Variants in ULK4 observed in about 807,000 individuals in gnomAD.
ULK4 encodes the protein unc-51 like kinase 4, also known as inactive serine/threonine-protein kinase ULK4.
Under a neutral mutation model 160.6 loss-of-function variants are expected in ULK4, and 133 were observed. The ratio of observed to expected loss-of-function variants is 0.83; its 90% CI spans 0.72 to 0.96. The LOEUF is 0.96. ULK4 is among the 40% of genes least tolerant of loss of function. The pLI, the probability that ULK4 is intolerant of heterozygous loss-of-function variation, is 0.00. For missense variants in ULK4, 1,580 were observed against 1,499.5 expected (o/e 1.05, Z -0.89); for synonymous variants, 534 against 539.8 (o/e 0.99, Z 0.15).
At chr3:41,827,457 C>A (rs554584768) in intron 18 of ULK4, among the ~76,000 whole-genome samples, 1 of 151,982 alleles carries the variant, frequency 6.6e-6, no homozygotes, top group Non-Finnish European at 1.5e-5. Flanking sequence ...TAAAAAATGA[C>A]AAAGGGGATA....
chr3:41,802,529 T>G (rs1414582967), intron 19 of ULK4, among the ~76,000 whole-genome samples: 1 of 152,106 alleles, frequency 6.6e-6, no homozygotes, highest in Non-Finnish European at 1.5e-5. Context: ...GAACTCCTTG[T>G]CCCAAGGAAT....
intron 32 of ULK4, among the ~76,000 whole-genome samples, chr3:41,523,922 T>C (rs2086020817): frequency 6.6e-6 from 1 of 152,146 alleles, no homozygotes; most frequent in Admixed American, 6.5e-5. Context: ...AGTATATCCA[T>C]ATAATAAAAA....
At chr3:41,271,573 T>C (rs141768226) in intron 35 of ULK4, among the ~76,000 whole-genome samples, 177 of 152,228 alleles carry the variant, frequency 1.2e-3, no homozygotes, top group African/African-American at 4.2e-3. Context: ...TTTTGTATTT[T>C]ACTAGAGACG....
chr3:41,945,321 T>C (rs1156977527), intron 2 of ULK4, among the ~76,000 whole-genome samples: 4 of 152,300 alleles, frequency 2.6e-5, no homozygotes, highest in South Asian at 4.1e-4. Flanking sequence ...GTCCTTCTAG[T>C]GCATCTAATT....
chr3:41,721,362 A>ATTTTT (rs1192444773), intron 22 of ULK4, among the ~76,000 whole-genome samples: 11 of 27,954 alleles, frequency 3.9e-4, no homozygotes, highest in African/African-American at 1.5e-3. Context: ...ATATATATAT[A>ATTTTT]TTTTTTTTTT....
intron 12 of ULK4, among the ~76,000 whole-genome samples, chr3:41,903,547 G>A (rs1182770304): frequency 6.7e-6 from 1 of 150,188 alleles, no homozygotes; most frequent in Non-Finnish European, 1.5e-5. Context: ...TCACACCGCT[G>A]CACTCCAGTC....
chr3:41,564,449 C>CTTTTTTTT (rs71075476), intron 32 of ULK4, among the ~76,000 whole-genome samples: 2 of 80,932 alleles, frequency 2.5e-5, no homozygotes, highest in African/African-American at 4.8e-5. Flanking sequence ...TCTTCTTCTT[C>CTTTTTTTT]TTTTTTTTTT....
chr3:41,564,782 A>G (rs2087730824), intron 32 of ULK4, among the ~76,000 whole-genome samples: 1 of 151,946 alleles, frequency 6.6e-6, no homozygotes, highest in African/African-American at 2.4e-5. Context: ...TTTTTTATAA[A>G]TCGAGTGTAA....
chr3:41,641,280 C>T (rs2125716502), intron 30 of ULK4, among the ~76,000 whole-genome samples: 1 of 152,304 alleles, frequency 6.6e-6, no homozygotes, highest in East Asian at 1.9e-4. Context: ...CTAAGCCATT[C>T]AGAAGATAAA....
intron 14 of ULK4, among the ~76,000 whole-genome samples, chr3:41,897,371 A>G (rs1448439882): frequency 6.6e-6 from 1 of 152,232 alleles, no homozygotes; most frequent in Non-Finnish European, 1.5e-5. Flanking sequence ...AGAAAAGCAC[A>G]AATCCTACAG....
chr3:41,938,147 T>C lies in ULK4; in HGVS notation c.189A>G (p.Glu63=), dbSNP rs965474998. The C allele has an allele frequency of 6.2e-7, 1 of 1,613,560 alleles. No individual in the cohort carries two copies. Among genetic ancestry groups the C allele is most frequent in the African/African-American group, 1.3e-5 (1 of 75,044 alleles). The change falls in exon 3 of 37, where the codon GAA becomes GAG. Residue 63 remains glutamate, a synonymous_variant. Coordinates refer to ENST00000301831, the MANE Select transcript of ULK4 (RefSeq NM_017886.4). ...AGAGGTGGTTGCTTGTTTCATACCA[T>C]TCATGAAAAGTTACAATATTCTTGT... is the stretch of plus-strand genomic sequence containing the variant. ...IKHKNIVTFH[E]WYETSNHLWL...
Position 41,900,815 on chromosome 3 carries a change from G to T in ULK4, c.1197C>A (p.His399Gln), listed in dbSNP as rs773747802. ...GGGATTCCAGGTCCTGCTGACTCAG[G>T]TGTCCACTTGTAATCTGAAATGAGA... ...TSPLTKITSG[H>Q]LSQQDLESQM... Residue 399 changes from histidine to glutamine, a missense_variant, in exon 13 of 37, where the codon CAC becomes CAA. By Grantham distance (24) the His-to-Gln change is conservative. Transcript: ENST00000301831. The T allele has an allele frequency of 1.9e-6, 3 of 1,613,200 alleles. No homozygotes were observed.
chr3:41,877,909 A>C (rs916802456), intron 17 of ULK4, among the ~76,000 whole-genome samples: 4 of 151,920 alleles, frequency 2.6e-5, no homozygotes, highest in Non-Finnish European at 5.9e-5. Flanking sequence ...TGAACCCGGG[A>C]GGCAGAGGTT....
At chr3:41,391,661 A>G (rs2081959473) in intron 35 of ULK4, among the ~76,000 whole-genome samples, 1 of 151,916 alleles carries the variant, frequency 6.6e-6, no homozygotes, top group African/African-American at 2.4e-5. Flanking sequence ...ACATAAGGAA[A>G]TGCTATATTA....
At chr3:41,763,842 C>G (rs566339911) in intron 21 of ULK4, among the ~76,000 whole-genome samples, 1 of 152,356 alleles carries the variant, frequency 6.6e-6, no homozygotes, top group Admixed American at 6.5e-5. Context: ...TCAGTTGTTT[C>G]ACAGCCTCAC....
intron 32 of ULK4, among the ~76,000 whole-genome samples, chr3:41,504,048 A>G (rs906834926): frequency 2.0e-5 from 3 of 152,110 alleles, no homozygotes; most frequent in African/African-American, 7.2e-5. Context: ...AATATTAGAA[A>G]TTTTTCTTTT....
intron 32 of ULK4, among the ~76,000 whole-genome samples, chr3:41,540,782 G>A (rs1248687466): frequency 6.6e-6 from 1 of 152,074 alleles, no homozygotes; most frequent in Non-Finnish European, 1.5e-5. Flanking sequence ...AGTTCTCTAT[G>A]ACCAGTAAGA....
intron 22 of ULK4, among the ~76,000 whole-genome samples, chr3:41,724,591 C>T (rs1011621917): frequency 6.6e-6 from 1 of 152,056 alleles, no homozygotes; most frequent in African/African-American, 2.4e-5. Flanking sequence ...GGCGTGGTGG[C>T]AGGCGCCTGT....
At chr3:41,844,448 A>G (rs957516237) in intron 17 of ULK4, among the ~76,000 whole-genome samples, 1 of 152,166 alleles carries the variant, frequency 6.6e-6, no homozygotes, top group Non-Finnish European at 1.5e-5. Context: ...CGGCAGGGCC[A>G]GCCGGCCTGA....
Sources: allele counts gnomAD v4.1 joint callset (sites outside exome capture counted in the v4.1 genomes callset), GRCh38; gene constraint gnomAD v4.1.1; transcripts MANE v1.5; gene names NCBI Gene and HGNC (gene_info 2026-07-23, HGNC 2026-07-21).